Variants in HNF4A observed in about 807,000 individuals in gnomAD.
HNF4A encodes the protein hepatocyte nuclear factor 4-alpha.
HNF4A carries 15 observed loss-of-function variants against 52.4 expected under a neutral mutation model. The ratio of observed to expected loss-of-function variants is 0.29; its 90% CI spans 0.19 to 0.44. The LOEUF (loss-of-function observed/expected upper bound fraction) is 0.44, where lower values mean the gene tolerates loss of function less well. Ranked by LOEUF, HNF4A falls within the 20% of genes least tolerant of loss-of-function variation. HNF4A has a pLI of 1.00. For synonymous variants in HNF4A, 280 were observed against 264.4 expected (o/e 1.06, Z -0.57); for missense variants, 479 against 647.2 (o/e 0.74, Z 2.82).
intron 1 of HNF4A, among the ~76,000 whole-genome samples, chr20:44,375,590 T>A (rs980332148): frequency 2.0e-5 from 3 of 151,930 alleles, no homozygotes; most frequent in African/African-American, 7.3e-5. Flanking sequence ...TCGGCCAAAG[T>A]CATACAGTAA....
chr20:44,359,168 G>A (rs1251403315), intron 1 of HNF4A, among the ~76,000 whole-genome samples: 2 of 152,150 alleles, frequency 1.3e-5, no homozygotes, highest in Non-Finnish European at 2.9e-5. Context: ...TTTGTTGGAT[G>A]AGTGAAATGA....
chr20:44,393,510 A>G (rs971516556), intron 1 of HNF4A, among the ~76,000 whole-genome samples: 23 of 152,238 alleles, frequency 1.5e-4, no homozygotes, highest in Admixed American at 5.9e-4. Flanking sequence ...CACAGACTCT[A>G]GAGACAGACT....
At chr20:44,384,045 T>G (rs998508589) in intron 1 of HNF4A, among the ~76,000 whole-genome samples, 20 of 150,844 alleles carry the variant, frequency 1.3e-4, no homozygotes, top group African/African-American at 4.6e-4. Flanking sequence ...GAGATGGGGT[T>G]TCCTCATATT....
chr20:44,390,444 T>A (rs1444792785), intron 1 of HNF4A: 3 of 562,680 alleles, frequency 5.3e-6, no homozygotes, highest in Non-Finnish European at 9.5e-6. Flanking sequence ...ATTCCTTGCA[T>A]GGATCCTGGA....
chr20:44,419,577 C>T (rs937532583), intron 6 of HNF4A, 144 bp from the exon 7 acceptor site: 93 of 797,022 alleles, frequency 1.2e-4, no homozygotes, highest in Middle Eastern at 3.5e-4. Flanking sequence ...GCCTCAGCTT[C>T]CTTACCTGTG....
chr20:44,382,747 C>A (rs2063171536), intron 1 of HNF4A, among the ~76,000 whole-genome samples: 1 of 152,122 alleles, frequency 6.6e-6, no homozygotes, highest in African/African-American at 2.4e-5. Flanking sequence ...CCAAGTAAAA[C>A]CTCTAGAATT....
rs137853336 is a variant in HNF4A at position 44,413,714 on chromosome 20, C to T, written c.406C>T (p.Arg136Trp). ...CACAGCCGTCCAGAATGAGCGGGACCGGATCAGCACTCGAAGGTCAAGCTA... is the reference window on the plus strand; with the variant it reads ...CACAGCCGTCCAGAATGAGCGGGACTGGATCAGCACTCGAAGGTCAAGCTA... The change falls in exon 4 of 10, where the codon CGG becomes TGG. Residue 136 changes from arginine to tryptophan, a missense_variant. By Grantham distance (101) the Arg-to-Trp change is moderately radical. Coordinates refer to ENST00000316099, the MANE Select transcript of HNF4A (RefSeq NM_000457.6). The T allele has an allele frequency of 1.2e-4, 186 of 1,613,614 alleles. No homozygotes were observed. The highest frequency in any genetic ancestry group is 1.5e-4 in the Admixed American group (9 of 59,960).
At chr20:44,364,466 A>AT (rs147934933) in intron 1 of HNF4A, among the ~76,000 whole-genome samples, 48 of 150,876 alleles carry the variant, frequency 3.2e-4, no homozygotes, top group African/African-American at 9.0e-4. Flanking sequence ...AGGTCATGCA[A>AT]TTTTTTTTTT....
At chr20:44,362,280 C>T (rs1346811404) in intron 1 of HNF4A, among the ~76,000 whole-genome samples, 2 of 151,720 alleles carry the variant, frequency 1.3e-5, no homozygotes, top group African/African-American at 4.8e-5. Context: ...ATTAGCTGGA[C>T]GTGGTGCCAG....
intron 3 of HNF4A, 131 bp downstream of exon 3, chr20:44,407,606 G>A (rs1600711009): frequency 2.7e-6 from 2 of 731,354 alleles, no homozygotes; most frequent in Non-Finnish European, 4.8e-6. Flanking sequence ...TAATGGCTGA[G>A]AAGAGGGAGG....
intron 1 of HNF4A, among the ~76,000 whole-genome samples, chr20:44,359,398 CT>C (rs60692239): frequency 0.024 from 3,607 of 152,272 alleles, 127 homozygotes; most frequent in African/African-American, 0.083. Flanking sequence ...GCCCTTGTTT[CT>C]TTTATCCAAA....
At chr20:44,410,314 T>C (rs1005853752) in intron 3 of HNF4A, among the ~76,000 whole-genome samples, 3 of 152,178 alleles carry the variant, frequency 2.0e-5, no homozygotes, top group Non-Finnish European at 2.9e-5. Flanking sequence ...CGAGTGAGCG[T>C]GGGTTAGTCG....
rs1275263828 is a variant in HNF4A at position 44,428,438 on chromosome 20, C to T, written c.1233C>T (p.His411=). 1 of 1,614,208 alleles carries T rather than the reference C, an allele frequency of 6.2e-7. No homozygotes were observed. Among genetic ancestry groups the T allele is most frequent in the Admixed American group, 1.7e-5 (1 of 60,032 alleles). ...TCGTTGCCAACACAATGCCCACTCACCTCAGCAACGGACAGATGTGTGAGT... is the reference window on the plus strand; with the variant it reads ...TCGTTGCCAACACAATGCCCACTCATCTCAGCAACGGACAGATGTGTGAGT... The change falls in exon 9 of 10, where the codon CAC becomes CAT. Residue 411 remains histidine, a synonymous_variant. Transcript: ENST00000316099.
upstream of HNF4A, among the ~76,000 whole-genome samples, chr20:44,397,101 C>G (rs2063360205): frequency 6.6e-6 from 1 of 152,168 alleles, no homozygotes; most frequent in African/African-American, 2.4e-5. Flanking sequence ...CACCAGAGAC[C>G]AATACCCACA....
chr20:44,359,584 G>A (rs973787198), intron 1 of HNF4A, among the ~76,000 whole-genome samples: 6 of 152,120 alleles, frequency 3.9e-5, no homozygotes, highest in Non-Finnish European at 5.9e-5. Flanking sequence ...GTATAAATGA[G>A]TTTCTCAGCC....
At chr20:44,414,391 C>G in intron 4 of HNF4A, 116 bp from the exon 5 acceptor site, 1 of 1,466,998 alleles carries the variant, frequency 6.8e-7, no homozygotes, top group Non-Finnish European at 9.5e-7. Context: ...CTGGAGGGCA[C>G]CCACTATCCA....
chr20:44,404,337 G>T (rs569699279), intron 1 of HNF4A, among the ~76,000 whole-genome samples: 2 of 152,228 alleles, frequency 1.3e-5, no homozygotes, highest in South Asian at 4.1e-4. Context: ...CTAAAAAGTG[G>T]GCAAGCTGGA....
chr20:44,425,900 T>C (rs2063809596), intron 8 of HNF4A, among the ~76,000 whole-genome samples: 1 of 152,110 alleles, frequency 6.6e-6, no homozygotes, highest in Non-Finnish European at 1.5e-5. Context: ...CCTTAAGCAA[T>C]CCTTCCGACT....
intron 3 of HNF4A, among the ~76,000 whole-genome samples, chr20:44,408,726 A>C (rs7363845): frequency 0.35 from 53,125 of 151,440 alleles, 9,569 homozygotes; most frequent in Middle Eastern, 0.44. Flanking sequence ...GACTCTCTCA[A>C]AAAAAATAAA....
Sources: gnomAD v4.1 joint callset for allele counts (sites outside exome capture counted in the v4.1 genomes callset) on GRCh38, gnomAD v4.1.1 for gene constraint, MANE v1.5 for transcripts, NCBI Gene and HGNC (gene_info 2026-07-23, HGNC 2026-07-21) for gene names.